Variants in GPR39 observed in about 807,000 individuals in gnomAD.
The protein encoded by GPR39 is zinc sensing receptor.
In GPR39, 23 loss-of-function variants were observed where a neutral mutation model predicts 18.4. The observed-to-expected ratio is 1.25, with a 90% confidence interval of 0.90 to 1.77. GPR39 has a LOEUF of 1.77. Ranked by LOEUF, GPR39 falls within the 40% of genes most tolerant of loss-of-function variation. The pLI, the probability that GPR39 is intolerant of heterozygous loss-of-function variation, is 0.00. For synonymous variants in GPR39, 280 were observed against 257.9 expected (o/e 1.09, Z -0.82); for missense variants, 647 against 602.4 (o/e 1.07, Z -0.78).
At chr2:132,625,224 T>C (rs1288869684) in intron 1 of GPR39, among the ~76,000 whole-genome samples, 2 of 152,200 alleles carry the variant, frequency 1.3e-5, no homozygotes, top group South Asian at 2.1e-4. Flanking sequence ...TTTGCAGTTA[T>C]GTGATGACTC....
intron 1 of GPR39, among the ~76,000 whole-genome samples, chr2:132,639,267 G>T (rs1322833299): frequency 6.6e-6 from 1 of 151,374 alleles, no homozygotes; most frequent in African/African-American, 2.4e-5. Context: ...ATAAAAGGGG[G>T]ATAAGGGCTG....
chr2:132,553,108 T>A (rs1302018191), intron 1 of GPR39, among the ~76,000 whole-genome samples: 1 of 151,260 alleles, frequency 6.6e-6, no homozygotes, highest in African/African-American at 2.4e-5. Context: ...GTATTTTTAG[T>A]AGAGATGGGG....
At position 132,417,695 on chromosome 2, in the gene GPR39, C is replaced by T. The variant is rs779076851; in HGVS notation, c.653C>T (p.Thr218Ile). ...TGTACCAACCTCTCCAGCCGCTGGA[C>T]CGTGTTCCAGTCCAGCATCTTCGGC... ...SICTNLSSRW[T>I]VFQSSIFGAF... The change falls in exon 1 of 2, where the codon ACC becomes ATC. Residue 218 changes from threonine (T) to isoleucine (I), a missense_variant. Transcript: ENST00000329321. 6.2e-7 allele frequency: 1 copy of T among 1,614,210 alleles called. No homozygotes were observed. The highest frequency in any genetic ancestry group is 1.3e-5 in the African/African-American group (1 of 75,066).
At chr2:132,644,173 A>C (rs1417100019) in intron 1 of GPR39, among the ~76,000 whole-genome samples, 1 of 152,178 alleles carries the variant, frequency 6.6e-6, no homozygotes, top group African/African-American at 2.4e-5. Context: ...TAGCATCTTT[A>C]TCTCTGTCAG....
intron 1 of GPR39, among the ~76,000 whole-genome samples, chr2:132,538,260 G>A (rs1044607827): frequency 1.3e-5 from 2 of 152,182 alleles, no homozygotes; most frequent in African/African-American, 2.4e-5. Flanking sequence ...TGTTGTTGAT[G>A]TTGTTATTGT....
At chr2:132,522,273 A>G (rs985610682) in intron 1 of GPR39, among the ~76,000 whole-genome samples, 10 of 152,144 alleles carry the variant, frequency 6.6e-5, no homozygotes, top group Non-Finnish European at 1.3e-4. Flanking sequence ...TTTTTCCTCT[A>G]AAATGATCGC....
intron 1 of GPR39, among the ~76,000 whole-genome samples, chr2:132,497,313 C>T (rs1371701773): frequency 6.6e-6 from 1 of 152,160 alleles, no homozygotes; most frequent in African/African-American, 2.4e-5. Flanking sequence ...CCCATCCTTT[C>T]CTTTAAGGTT....
At chr2:132,580,199 C>G (rs1306995088) in intron 1 of GPR39, among the ~76,000 whole-genome samples, 1 of 152,174 alleles carries the variant, frequency 6.6e-6, no homozygotes, top group Non-Finnish European at 1.5e-5. Context: ...TGAAATCTCT[C>G]AGGATTGTTT....
intron 1 of GPR39, among the ~76,000 whole-genome samples, chr2:132,538,266 AT>A (rs927445712): frequency 6.6e-6 from 1 of 151,808 alleles, no homozygotes; most frequent in African/African-American, 2.4e-5. Context: ...TGATGTTGTT[AT>A]TGTTGCTTTG....
intron 1 of GPR39, among the ~76,000 whole-genome samples, chr2:132,466,013 AT>A (rs146498431): frequency 5.9e-5 from 9 of 152,078 alleles, no homozygotes; most frequent in Admixed American, 1.3e-4. Context: ...AAAAAAGAGG[AT>A]TTTTTTTAAA....
chr2:132,440,943 C>T (rs747302613), intron 1 of GPR39, among the ~76,000 whole-genome samples: 8 of 152,124 alleles, frequency 5.3e-5, no homozygotes, highest in Non-Finnish European at 1.0e-4. Flanking sequence ...GCCTACTTGC[C>T]TTTGTCTGCC....
chr2:132,474,178 C>G (rs1681083396), intron 1 of GPR39, among the ~76,000 whole-genome samples: 1 of 152,180 alleles, frequency 6.6e-6, no homozygotes, highest in African/African-American at 2.4e-5. Context: ...TCTCTTTTCT[C>G]AAAGGCGAAG....
chr2:132,493,338 CAT>C (rs934448310), intron 1 of GPR39, among the ~76,000 whole-genome samples: 3 of 141,374 alleles, frequency 2.1e-5, no homozygotes, highest in Non-Finnish European at 4.6e-5. Context: ...CCATATATAC[CAT>C]ATATATACAC....
chr2:132,570,420 C>T (rs1680422329), intron 1 of GPR39, among the ~76,000 whole-genome samples: 1 of 152,146 alleles, frequency 6.6e-6, no homozygotes, highest in Admixed American at 6.5e-5. Flanking sequence ...TATATGCCCT[C>T]TACTATATCT....
At chr2:132,445,027 GC>G (rs1680509475) in intron 1 of GPR39, among the ~76,000 whole-genome samples, 2 of 152,038 alleles carry the variant, frequency 1.3e-5, no homozygotes, top group Admixed American at 6.5e-5. Flanking sequence ...CTCCCCTACC[GC>G]CCATCCATTC....
chr2:132,463,441 GTCT>G (rs1365984810), intron 1 of GPR39, among the ~76,000 whole-genome samples: 4 of 145,152 alleles, frequency 2.8e-5, no homozygotes, highest in African/African-American at 1.0e-4. Context: ...TTTTTTTTTG[GTCT>G]TCTTTAAGGC....
At position 132,645,495 on chromosome 2, in the gene GPR39, C is replaced by T. The variant is rs748809584; in HGVS notation, c.1251C>T (p.Ala417=). 6.2e-6 allele frequency: 10 copies of T among 1,613,662 alleles called. No individual in the cohort carries two copies. The highest frequency in any genetic ancestry group is 2.2e-5 in the South Asian group (2 of 91,094). Residue 417 remains alanine (A), a synonymous_variant, in exon 2 of 2, where the codon GCC becomes GCT. Coordinates refer to ENST00000329321, the MANE Select transcript of GPR39 (RefSeq NM_001508.3). ...KIFLSTFQSE[A]EPQSKSQSLS... is the part of the protein sequence containing the mutation. The stretch of plus-strand genomic sequence containing the variant: ...TCTTAAGCACTTTTCAGAGCGAGGC[C>T]GAGCCCCAGTCTAAGTCCCAGTCAT...
At chr2:132,612,075 G>A (rs1390232164) in intron 1 of GPR39, among the ~76,000 whole-genome samples, 1 of 146,440 alleles carries the variant, frequency 6.8e-6, no homozygotes, top group Non-Finnish European at 1.5e-5. Flanking sequence ...CAGCATTGCA[G>A]TGCCCTGAAC....
chr2:132,540,957 A>G (rs1679850777), intron 1 of GPR39, among the ~76,000 whole-genome samples: 1 of 151,842 alleles, frequency 6.6e-6, no homozygotes, highest in Non-Finnish European at 1.5e-5. Context: ...TTCCCTGTGG[A>G]TCATCAGCTT....
Sources: allele counts gnomAD v4.1 joint callset (sites outside exome capture counted in the v4.1 genomes callset), GRCh38; gene constraint gnomAD v4.1.1; transcripts MANE v1.5; gene names NCBI Gene and HGNC (gene_info 2026-07-23, HGNC 2026-07-21).